NTM: variants seen among roughly 807,000 people sequenced by gnomAD.
NTM encodes the protein IgLON family member 2.
In NTM, 13 loss-of-function variants were observed where a neutral mutation model predicts 42.1. The ratio of observed to expected loss-of-function variants is 0.31; its 90% CI spans 0.20 to 0.49. NTM has a LOEUF of 0.49. NTM is among the 20% of genes least tolerant of loss of function. NTM has a pLI of 0.99. For synonymous variants in NTM, 187 were observed against 179.2 expected, an observed-to-expected ratio of 1.04 and a Z score of -0.35; for missense variants, 373 against 452.8, an observed-to-expected ratio of 0.82 and a Z score of 1.60.
At chr11:131,990,476 C>T (rs1045270783) in intron 2 of NTM, among the ~76,000 whole-genome samples, 2 of 151,882 alleles carry the variant, frequency 1.3e-5, no homozygotes, top group Non-Finnish European at 2.9e-5. Flanking sequence ...TTAAGATTCT[C>T]ATTTTAGCAT....
At chr11:132,093,508 C>T (rs888644621) in intron 2 of NTM, among the ~76,000 whole-genome samples, 1 of 152,200 alleles carries the variant, frequency 6.6e-6, no homozygotes, top group Non-Finnish European at 1.5e-5. Context: ...CTGGTATCTC[C>T]TGCCCATCTT....
chr11:131,810,366 C>T (rs1023507033), intron 1 of NTM, among the ~76,000 whole-genome samples: 2 of 152,184 alleles, frequency 1.3e-5, no homozygotes, highest in Admixed American at 1.3e-4. Flanking sequence ...AGTGCTGTGA[C>T]ATTGAATCTG....
At chr11:132,052,397 C>A (rs1439244367) in intron 2 of NTM, among the ~76,000 whole-genome samples, 2 of 152,110 alleles carry the variant, frequency 1.3e-5, no homozygotes, top group Non-Finnish European at 2.9e-5. Flanking sequence ...GTACCACTAC[C>A]CACCACTCTT....
chr11:131,782,161 A>C (rs1034078123), intron 1 of NTM, among the ~76,000 whole-genome samples: 8 of 152,198 alleles, frequency 5.3e-5, no homozygotes. Flanking sequence ...CTGCTTAATA[A>C]AATACAGAAG....
At chr11:131,845,073 A>T (rs960431390) in intron 1 of NTM, among the ~76,000 whole-genome samples, 1 of 152,152 alleles carries the variant, frequency 6.6e-6, no homozygotes, top group African/African-American at 2.4e-5. Context: ...TTAAATAGGA[A>T]ATTTGCCATA....
chr11:131,374,570 C>T (rs543473995), intron 1 of NTM, among the ~76,000 whole-genome samples: 2,381 of 152,256 alleles, frequency 0.016, 26 homozygotes, highest in Non-Finnish European at 0.023. Context: ...TTCAGGCGTC[C>T]TGCGTAGTGT....
At chr11:131,631,746 G>A (rs547450735) in intron 1 of NTM, among the ~76,000 whole-genome samples, 1 of 152,174 alleles carries the variant, frequency 6.6e-6, no homozygotes, top group South Asian at 2.1e-4. Flanking sequence ...CACTGTGATT[G>A]GCGCATGCAT....
intron 4 of NTM, among the ~76,000 whole-genome samples, chr11:132,273,399 A>G (rs1195950203): frequency 8.0e-6 from 1 of 124,524 alleles, no homozygotes; most frequent in Non-Finnish European, 1.6e-5. Flanking sequence ...TCCTTGTGAT[A>G]TCTGCCTGGT....
intron 2 of NTM, among the ~76,000 whole-genome samples, chr11:131,924,719 C>G (rs1030077216): frequency 1.4e-4 from 22 of 152,320 alleles, no homozygotes; most frequent in South Asian, 1.0e-3. Context: ...CACCCCCACC[C>G]ACCAGCTGGC....
Position 131,497,422 on chromosome 11 carries a change from C to A in NTM, c.82+126534C>A, listed in dbSNP as rs984949658. Among the ~76,000 whole-genome samples, 12 of 152,176 alleles carry A rather than the reference C, an allele frequency of 7.9e-5. 2 individuals are homozygous for A. Among genetic ancestry groups the A allele is most frequent in the Admixed American group, 7.2e-4 (11 of 15,296 alleles). On this transcript the variant is annotated intron_variant, in intron 1 of 8. Transcript: ENST00000683400. ...CAGGCTGGTCTTGAACTCCTGACCTCGTGATCTGCCCGCCTTGGCCTTCCA... is the reference window on the plus strand; with the variant it reads ...CAGGCTGGTCTTGAACTCCTGACCTAGTGATCTGCCCGCCTTGGCCTTCCA...
intron 1 of NTM, among the ~76,000 whole-genome samples, chr11:131,592,733 C>T (rs185590466): frequency 2.0e-5 from 3 of 151,914 alleles, no homozygotes; most frequent in East Asian, 3.9e-4. Flanking sequence ...CCTCCTTCCC[C>T]ACCACTGCTT....
At chr11:132,065,637 AT>A (rs2056360919) in intron 2 of NTM, among the ~76,000 whole-genome samples, 2 of 152,220 alleles carry the variant, frequency 1.3e-5, no homozygotes, top group Non-Finnish European at 2.9e-5. Flanking sequence ...TTAAATTCTG[AT>A]TGGAACCTAA....
chr11:131,374,470 A>G (rs1941691336), intron 1 of NTM, among the ~76,000 whole-genome samples: 3 of 152,156 alleles, frequency 2.0e-5, no homozygotes, highest in African/African-American at 7.2e-5. Context: ...AGCCAAATAT[A>G]AGCCCCCAGA....
At chr11:131,528,553 C>T (rs1415487239) in intron 1 of NTM, among the ~76,000 whole-genome samples, 1 of 152,194 alleles carries the variant, frequency 6.6e-6, no homozygotes, top group African/African-American at 2.4e-5. Flanking sequence ...GCAGCTATCC[C>T]GGTGCCCATG....
chr11:131,704,271 T>C (rs1013163379), intron 1 of NTM, among the ~76,000 whole-genome samples: 1 of 152,300 alleles, frequency 6.6e-6, no homozygotes, highest in Admixed American at 6.5e-5. Context: ...CACCTGTGGA[T>C]GCAAGCCCGA....
chr11:131,617,658 C>T (rs1242139362), intron 1 of NTM, among the ~76,000 whole-genome samples: 1 of 152,140 alleles, frequency 6.6e-6, no homozygotes, highest in Non-Finnish European at 1.5e-5. Context: ...TTGTTCTGAG[C>T]TGAAAGATGA....
At chr11:131,778,221 G>A (rs764360497) in intron 1 of NTM, among the ~76,000 whole-genome samples, 16 of 152,202 alleles carry the variant, frequency 1.1e-4, no homozygotes, top group African/African-American at 3.4e-4. Flanking sequence ...GCTGAAACCC[G>A]TGGTGATAGT....
intron 1 of NTM, among the ~76,000 whole-genome samples, chr11:131,688,917 T>C (rs1405937034): frequency 6.6e-6 from 1 of 152,166 alleles, no homozygotes; most frequent in African/African-American, 2.4e-5. Flanking sequence ...GCCCCACACA[T>C]TGTAGAGGTG....
intron 1 of NTM, among the ~76,000 whole-genome samples, chr11:131,555,237 C>T (rs1300214643): frequency 2.0e-5 from 3 of 152,164 alleles, no homozygotes; most frequent in East Asian, 1.9e-4. Flanking sequence ...CTAAACATAA[C>T]ATAAATGCAA....
Sources: gnomAD v4.1 joint callset for allele counts (sites outside exome capture counted in the v4.1 genomes callset) on GRCh38, gnomAD v4.1.1 for gene constraint, MANE v1.5 for transcripts, NCBI Gene and HGNC (gene_info 2026-07-23, HGNC 2026-07-21) for gene names.